The following RSU1 variants were observed in gnomAD, a reference collection of about 807,000 sequenced individuals.
RSU1 encodes the protein Ras suppressor protein 1.
Under a neutral mutation model 31.1 loss-of-function variants are expected in RSU1, and 26 were observed. The observed-to-expected ratio is 0.84, with a 90% CI of 0.61 to 1.16. RSU1 has a LOEUF of 1.16. Ranked by LOEUF, RSU1 falls within the 50% of genes most tolerant of loss-of-function variation. The pLI, the probability that RSU1 is intolerant of heterozygous loss-of-function variation, is 0.00. For synonymous variants in RSU1, 164 were observed against 136.3 expected (o/e 1.20, Z -1.41); for missense variants, 320 against 339.1 (o/e 0.94, Z 0.44).
chr10:16,796,458 C>T (rs1262524632), intron 2 of RSU1, among the ~76,000 whole-genome samples: 2 of 152,164 alleles, frequency 1.3e-5, no homozygotes, highest in African/African-American at 4.8e-5. Context: ...CCATCAATGA[C>T]ACCCACAAAC....
At chr10:16,667,562 A>T (rs1468647773) in intron 8 of RSU1, among the ~76,000 whole-genome samples, 1 of 151,660 alleles carries the variant, frequency 6.6e-6, no homozygotes, top group African/African-American at 2.4e-5. Context: ...ATCTTGGCTC[A>T]CTGCAACCTT....
chr10:16,650,290 A>G (rs1248529491), intron 8 of RSU1, among the ~76,000 whole-genome samples: 1 of 152,166 alleles, frequency 6.6e-6, no homozygotes, highest in East Asian at 1.9e-4. Flanking sequence ...TCACCTTTCT[A>G]TTATAACAGA....
At chr10:16,700,583 C>T (rs1278627400) in intron 7 of RSU1, among the ~76,000 whole-genome samples, 1 of 152,216 alleles carries the variant, frequency 6.6e-6, no homozygotes, top group East Asian at 1.9e-4. Context: ...CTCCATAATT[C>T]TCATTATCAT....
chr10:16,738,094 G>C (rs1342157988), intron 7 of RSU1, among the ~76,000 whole-genome samples: 1 of 152,178 alleles, frequency 6.6e-6, no homozygotes, highest in African/African-American at 2.4e-5. Flanking sequence ...TGAAATTACA[G>C]AATGTGTGAG....
At chr10:16,817,137 G>A in intron 1 of RSU1, 53 bp from the exon 2 acceptor site, 2 of 1,333,266 alleles carry the variant, frequency 1.5e-6, no homozygotes, top group Non-Finnish European at 2.2e-6. Flanking sequence ...CGCAGAGGCG[G>A]AAAGGCAAGA....
chr10:16,636,083 CTTCTT>C (rs1834340268), intron 8 of RSU1, among the ~76,000 whole-genome samples: 1 of 152,170 alleles, frequency 6.6e-6, no homozygotes. Context: ...AAGTACTTCT[CTTCTT>C]TTTATACTCA....
At chr10:16,701,326 A>G (rs1480852454) in intron 7 of RSU1, among the ~76,000 whole-genome samples, 1 of 152,210 alleles carries the variant, frequency 6.6e-6, no homozygotes, top group Non-Finnish European at 1.5e-5. Context: ...GTAATAGATG[A>G]CGGTCTAAAA....
At chr10:16,641,900 G>A (rs1406110061) in intron 8 of RSU1, among the ~76,000 whole-genome samples, 1 of 152,178 alleles carries the variant, frequency 6.6e-6, no homozygotes, top group Non-Finnish European at 1.5e-5. Context: ...TAGCAGAGCG[G>A]GCAGCAGGGC....
chr10:16,715,312 G>T (rs1836118881), intron 7 of RSU1, among the ~76,000 whole-genome samples: 1 of 152,174 alleles, frequency 6.6e-6, no homozygotes, highest in African/African-American at 2.4e-5. Flanking sequence ...TTTTCATGAA[G>T]TCCAATTTGC....
At chr10:16,754,751 A>G (rs896896465) in intron 5 of RSU1, 120 bp downstream of exon 5, 14 of 680,158 alleles carry the variant, frequency 2.1e-5, no homozygotes, top group Non-Finnish European at 3.6e-5. Flanking sequence ...AGGAGTCTCT[A>G]AAGAAAAAAT....
At chr10:16,629,901 A>C (rs940121178) in intron 8 of RSU1, among the ~76,000 whole-genome samples, 3 of 152,196 alleles carry the variant, frequency 2.0e-5, no homozygotes, top group African/African-American at 7.2e-5. Flanking sequence ...TTGAGCTGCA[A>C]CATTAGACAA....
chr10:16,708,443 T>C (rs373988276), intron 7 of RSU1, among the ~76,000 whole-genome samples: 37 of 152,160 alleles, frequency 2.4e-4, no homozygotes, highest in African/African-American at 8.7e-4. Context: ...AAAATCTACA[T>C]AAAAGTGAGC....
chr10:16,667,683 T>G (rs1005153344), intron 8 of RSU1, among the ~76,000 whole-genome samples: 4 of 152,152 alleles, frequency 2.6e-5, no homozygotes, highest in Non-Finnish European at 5.9e-5. Flanking sequence ...AGACAGCGTT[T>G]TGCCATGTTG....
At chr10:16,771,183 G>A (rs893197281) in intron 3 of RSU1, among the ~76,000 whole-genome samples, 21 of 152,122 alleles carry the variant, frequency 1.4e-4, no homozygotes, top group African/African-American at 4.8e-4. Flanking sequence ...CATGAGAATA[G>A]GTGAAAATGA....
chr10:16,734,464 C>T (rs762815831), intron 7 of RSU1, among the ~76,000 whole-genome samples: 16 of 151,966 alleles, frequency 1.1e-4, no homozygotes, highest in African/African-American at 2.9e-4. Context: ...ATATTTGGGG[C>T]GGGAATTCTG....
chr10:16,753,633 A>G (rs1466191274), intron 5 of RSU1, among the ~76,000 whole-genome samples: 3 of 152,260 alleles, frequency 2.0e-5, no homozygotes, highest in Admixed American at 6.5e-5. Flanking sequence ...CTTAAGGAGA[A>G]TATCAGTAGT....
At chr10:16,793,364 GA>G (rs964588087) in intron 2 of RSU1, among the ~76,000 whole-genome samples, 3 of 149,532 alleles carry the variant, frequency 2.0e-5, no homozygotes, top group Admixed American at 6.7e-5. Flanking sequence ...AATGACAACT[GA>G]AAAAAAAAGA....
At chr10:16,785,431 T>TATATATATACACATATATAC (rs1837759663) in intron 2 of RSU1, among the ~76,000 whole-genome samples, 5 of 128,006 alleles carry the variant, frequency 3.9e-5, no homozygotes, top group Non-Finnish European at 7.6e-5. Flanking sequence ...TATATACATA[T>TATATATATACACATATATAC]ATATATATAC....
intron 4 of RSU1, among the ~76,000 whole-genome samples, chr10:16,760,151 G>A (rs1006398969): frequency 7.9e-5 from 12 of 152,102 alleles, no homozygotes; most frequent in Admixed American, 2.0e-4. Flanking sequence ...GTACAGCACC[G>A]ACAGCCAAAA....
Sources: allele counts gnomAD v4.1 joint callset (sites outside exome capture counted in the v4.1 genomes callset), GRCh38; gene constraint gnomAD v4.1.1; transcripts MANE v1.5; gene names NCBI Gene and HGNC (gene_info 2026-07-23, HGNC 2026-07-21).